The following COL28A1 variants were observed in gnomAD, a reference collection of about 807,000 sequenced individuals.
COL28A1 encodes the protein collagen type XXVIII alpha 1 chain.
A neutral mutation model predicts 150.2 loss-of-function variants in COL28A1; 161 were observed. That is an observed-to-expected ratio of 1.07 (90% CI 0.94 to 1.22). The LOEUF (loss-of-function observed/expected upper bound fraction) is 1.22. Among genes scored for constraint, COL28A1 ranks in the 50% most tolerant of loss-of-function variants. The pLI is 0.00. For missense variants in COL28A1, 1,617 were observed against 1,388.3 expected (o/e 1.16, Z -2.62); for synonymous variants, 552 against 469.7 (o/e 1.18, Z -2.26).
chr7:7,479,440 G>C (rs551446275), intron 13 of COL28A1, among the ~76,000 whole-genome samples: 21 of 152,308 alleles, frequency 1.4e-4, no homozygotes, highest in African/African-American at 5.1e-4. Context: ...GAACTGTGTG[G>C]CCCAGAGAAG....
At chr7:7,446,100 C>A (rs574819719) in intron 18 of COL28A1, among the ~76,000 whole-genome samples, 2 of 152,026 alleles carry the variant, frequency 1.3e-5, no homozygotes, top group South Asian at 2.1e-4. Context: ...TCAGGTGATC[C>A]GCCTGCCTCA....
intron 30 of COL28A1, among the ~76,000 whole-genome samples, chr7:7,376,846 G>A (rs2128286542): frequency 6.6e-6 from 1 of 152,164 alleles, no homozygotes; most frequent in Non-Finnish European, 1.5e-5. Flanking sequence ...CCATTTAAAG[G>A]CTCTGCGATA....
At chr7:7,460,575 G>A (rs865889286) in intron 15 of COL28A1, among the ~76,000 whole-genome samples, 13 of 151,886 alleles carry the variant, frequency 8.6e-5, no homozygotes, top group South Asian at 2.1e-4. Context: ...GTAGAGACAA[G>A]GTTTCACCGT....
chr7:7,481,676 G>A (rs1021725867), intron 13 of COL28A1, among the ~76,000 whole-genome samples: 1 of 152,144 alleles, frequency 6.6e-6, no homozygotes, highest in Non-Finnish European at 1.5e-5. Context: ...TTAACGATGA[G>A]ATGAAATACG....
chr7:7,434,206 T>G (rs1785183533), intron 23 of COL28A1, among the ~76,000 whole-genome samples: 1 of 152,182 alleles, frequency 6.6e-6, no homozygotes. Flanking sequence ...TTATAAAAAT[T>G]TAACCTACTA....
chr7:7,338,821 C>G, the COL28A1 span, among the ~76,000 whole-genome samples: 1 of 152,240 alleles, frequency 6.6e-6, no homozygotes, highest in South Asian at 2.1e-4. Context: ...GACTTTGTGA[C>G]TTGCTTTGGC....
intron 11 of COL28A1, among the ~76,000 whole-genome samples, chr7:7,496,507 C>A (rs1050998402): frequency 2.6e-5 from 4 of 152,116 alleles, no homozygotes; most frequent in African/African-American, 9.7e-5. Flanking sequence ...TATCAAGTAC[C>A]TATTACACAA....
At chr7:7,459,874 C>T (rs377093937) in intron 15 of COL28A1, among the ~76,000 whole-genome samples, 2 of 152,166 alleles carry the variant, frequency 1.3e-5, no homozygotes, top group South Asian at 4.1e-4. Context: ...CAGACTACTC[C>T]ATAATTATAT....
At chr7:7,389,262 C>T (rs1272004241) in intron 27 of COL28A1, among the ~76,000 whole-genome samples, 1 of 152,070 alleles carries the variant, frequency 6.6e-6, no homozygotes. Flanking sequence ...AAATCCTTTC[C>T]TCATTGCTTG....
the COL28A1 span, among the ~76,000 whole-genome samples, chr7:7,339,632 A>G: frequency 3.3e-5 from 5 of 152,102 alleles, no homozygotes; most frequent in South Asian, 1.0e-3. Flanking sequence ...GGGAGATCTC[A>G]TTCATTCATT....
chr7:7,363,371 C>G (rs1780769498), intron 33 of COL28A1, among the ~76,000 whole-genome samples: 1 of 152,144 alleles, frequency 6.6e-6, no homozygotes, highest in Non-Finnish European at 1.5e-5. Flanking sequence ...ATTTTGATAT[C>G]TGTTAACATT....
chr7:7,378,859 C>T (rs761186956), intron 30 of COL28A1, among the ~76,000 whole-genome samples: 3 of 152,098 alleles, frequency 2.0e-5, no homozygotes, highest in Admixed American at 6.6e-5. Flanking sequence ...AGCCTGTCAC[C>T]GTCTTCTTGT....
intron 25 of COL28A1, among the ~76,000 whole-genome samples, chr7:7,421,922 C>G (rs1325577077): frequency 6.6e-6 from 1 of 152,056 alleles, no homozygotes; most frequent in South Asian, 2.1e-4. Flanking sequence ...TTTGAGGGTC[C>G]CCAAGTTCCT....
chr7:7,415,019 T>C (rs1783988904), intron 27 of COL28A1, among the ~76,000 whole-genome samples: 1 of 152,210 alleles, frequency 6.6e-6, no homozygotes, highest in Admixed American at 6.5e-5. Flanking sequence ...TGATGCTCAA[T>C]CCGTATTGGT....
At chr7:7,346,634 T>G in the COL28A1 span, among the ~76,000 whole-genome samples, 2 of 152,064 alleles carry the variant, frequency 1.3e-5, no homozygotes, top group African/African-American at 4.8e-5. Flanking sequence ...GGAAATCAAA[T>G]GATACCATTG....
At chr7:7,414,486 T>C (rs1008553069) in intron 27 of COL28A1, among the ~76,000 whole-genome samples, 11 of 152,190 alleles carry the variant, frequency 7.2e-5, no homozygotes, top group Admixed American at 5.9e-4. Context: ...AGCAGAGGAA[T>C]GGCAGGAGGC....
intron 20 of COL28A1, among the ~76,000 whole-genome samples, chr7:7,442,324 T>C (rs1304836682): frequency 6.6e-6 from 1 of 152,132 alleles, no homozygotes; most frequent in Non-Finnish European, 1.5e-5. Context: ...CAATGTGGGG[T>C]TTAAACCTCA....
rs1174130418 is a variant in COL28A1 at position 7,380,598 on chromosome 7, G to C, written c.2322+62C>G. 6 of 1,403,104 alleles carry C rather than the reference G, an allele frequency of 4.3e-6. No individual in the cohort carries two copies. In the African/African-American group the frequency reaches 8.6e-5, roughly 20 times the overall value. 86.9% of individuals were successfully genotyped at this position (1,403,104 alleles called of 1,614,324 possible). On this transcript the variant is annotated intron_variant, in intron 30 of 34. Coordinates refer to ENST00000399429, the MANE Select transcript of COL28A1 (RefSeq NM_001037763.3). ...AAAAATTCATAATTCTAAAGCTAAA[G>C]CATGAATGCAACAATTTTGCAAGCA...
chr7:7,440,855 C>T lies in COL28A1; in HGVS notation c.1657G>A (p.Glu553Lys), dbSNP rs1048664844. Residue 553 changes from glutamate (E) to lysine (K), a missense_variant, in exon 21 of 35, where the codon GAA becomes AAA. Transcript: ENST00000399429. ...GKGQPGPKGD[E>K]GKKGSKGNQG... ...TTTCCTTTGCTCCCTTTCTTGCCTT[C>T]GTCACCCTAACAAAATAATTATGAA... 6.0e-6 allele frequency: 9 copies of T among 1,496,928 alleles called. No homozygotes were observed. Among genetic ancestry groups the T allele is most frequent in the East Asian group, 4.5e-5 (2 of 44,334 alleles). The allele number at this position is 1,496,928 out of a possible 1,614,324, so 92.7% of individuals were successfully genotyped here. A position where few individuals can be genotyped will look rare whatever the true frequency, so the allele number is the denominator to read the frequency against.
Sources: gnomAD v4.1 joint callset for allele counts (sites outside exome capture counted in the v4.1 genomes callset) on GRCh38, gnomAD v4.1.1 for gene constraint, MANE v1.5 for transcripts, NCBI Gene and HGNC (gene_info 2026-07-23, HGNC 2026-07-21) for gene names.